The following COX20 variants were observed in gnomAD, a reference collection of about 807,000 sequenced individuals.
COX20 encodes the protein cytochrome c oxidase assembly protein COX20, mitochondrial.
Under a neutral mutation model 14.3 loss-of-function variants are expected in COX20, and 14 were observed. The ratio of observed to expected loss-of-function variants is 0.98; its 90% CI spans 0.65 to 1.53. COX20 has a LOEUF of 1.53. Among genes scored for constraint, COX20 ranks in the 40% most tolerant of loss-of-function variants. COX20 has a pLI of 0.00. For synonymous variants in COX20, 56 were observed against 51.7 expected (o/e 1.08, Z -0.36); for missense variants, 149 against 142.1 (o/e 1.05, Z -0.25).
chr1:244,843,694 CAA>C lies in COX20; in HGVS notation c.*521_*522del, dbSNP rs1186111058. 6.6e-6 allele frequency: 1 copy of C among 152,170 alleles called. No homozygotes were observed. Among genetic ancestry groups the C allele is most frequent in the Admixed American group, 6.6e-5 (1 of 15,250 alleles). 9.4% of individuals were successfully genotyped at this position (152,170 alleles called of 1,614,324 possible). On this transcript the variant is annotated 3_prime_UTR_variant, in exon 4 of 4. Transcript: ENST00000411948. ...ATTTCTTAAAATGCGAGTCATCTTC[CAA>C]AAGAGTTGTTTTTAACTGCCCTAAA...
chr1:244,841,393 T>G (rs1161764816), intron 1 of COX20: 1 of 152,548 alleles, frequency 6.6e-6, no homozygotes, highest in Non-Finnish European at 1.5e-5. Flanking sequence ...GAAAACAGAC[T>G]AGAGTTTAAT....
Position 244,842,393 on chromosome 1 carries a change from T to C in COX20, c.221+135T>C, listed in dbSNP as rs770834100. On this transcript the variant is annotated intron_variant, in intron 3 of 3. Transcript: ENST00000411948. ...TGAAGAATCTTGATTTTTCAGGACA[T>C]TTTCATGGAAATCTTAAAATGCTTG... is the stretch of plus-strand genomic sequence containing the variant. The C allele has an allele frequency of 5.0e-5, 35 of 700,428 alleles. No homozygotes were observed. The South Asian group carries it at 5.8e-4, about 12-fold the overall frequency. 43.4% of individuals were successfully genotyped at this position (700,428 alleles called of 1,614,324 possible).
chr1:244,839,009 C>A (rs933773675), intron 1 of COX20, among the ~76,000 whole-genome samples: 1 of 152,144 alleles, frequency 6.6e-6, no homozygotes, highest in Admixed American at 6.6e-5. Flanking sequence ...AGGCTGGTCT[C>A]GAACTTCCGA....
At chr1:244,841,716 T>C (rs1680205684) in intron 1 of COX20, 1 of 432,256 alleles carries the variant, frequency 2.3e-6, no homozygotes, top group Non-Finnish European at 4.1e-6. Context: ...GTTACCCTAC[T>C]GCTTAAGGGT....
chr1:244,842,257 T>C lies in COX20; in HGVS notation c.220T>C (p.Trp74Arg). The part of the protein sequence containing the change: ...GGFILVTLGC[W>R]FHCRYNYAKQ... ...GTTTATCTTGGTGACTTTGGGATGC[T>C]GGTATGTTTGCTAAGTATTCAAGAA... The change falls in exon 3 of 4, where the codon TGG (tryptophan) becomes CGG (arginine). Residue 74 changes from tryptophan (W) to arginine (R), a missense_variant and splice_region_variant. By Grantham distance (101) the Trp-to-Arg change is moderately radical. Coordinates refer to ENST00000411948, the MANE Select transcript of COX20 (RefSeq NM_198076.6). The C allele has an allele frequency of 6.3e-7, 1 of 1,595,258 alleles. No homozygotes were observed. Among genetic ancestry groups the C allele is most frequent in the Non-Finnish European group, 8.6e-7 (1 of 1,162,962 alleles).
Position 244,842,044 on chromosome 1 carries a change from ATT to A in COX20, c.148_149del (p.Leu50ValfsTer3). 6.2e-7 allele frequency: 1 copy of A among 1,605,648 alleles called. No individual in the cohort carries two copies. Among genetic ancestry groups the A allele is most frequent in the Non-Finnish European group, 8.5e-7 (1 of 1,172,898 alleles). ...GGATCTGTTGTGGCTGGCTTTGGACATTTTTTGTTCACTAGTGAGTATCTGTA... is the reference window on the plus strand; with the variant it reads ...GGATCTGTTGTGGCTGGCTTTGGACATTTTGTTCACTAGTGAGTATCTGTA... On this transcript the variant is annotated frameshift_variant, in exon 2 of 4. Coordinates refer to ENST00000411948, the MANE Select transcript of COX20 (RefSeq NM_198076.6). LOFTEE classifies it high-confidence loss of function.
At chr1:244,837,922 C>T (rs1373483312) in intron 1 of COX20, among the ~76,000 whole-genome samples, 1 of 152,000 alleles carries the variant, frequency 6.6e-6, no homozygotes, top group Non-Finnish European at 1.5e-5. Context: ...CTACAGAGGA[C>T]TTATTATAGT....
intron 3 of COX20, 76 bp downstream of exon 3, chr1:244,842,334 G>T: frequency 1.0e-6 from 1 of 1,004,648 alleles, no homozygotes. Flanking sequence ...GCTCTTTTCA[G>T]AGCAGTCTCC....
rs2102978930 is a variant in COX20 at position 244,844,881 on chromosome 1, A to T, written c.*1705A>T. On this transcript the variant is annotated 3_prime_UTR_variant, in exon 4 of 4. Coordinates refer to ENST00000411948, the MANE Select transcript of COX20 (RefSeq NM_198076.6). The stretch of plus-strand genomic sequence containing the variant: ...TAATCTGATATTTAACAAAATATGG[A>T]CAGGCCACTTATGCTCAGTTTTACC... 6.6e-6 allele frequency: 1 copy of T among 152,394 alleles called. No homozygotes were observed. Among genetic ancestry groups the T allele is most frequent in the Non-Finnish European group, 1.5e-5 (1 of 68,032 alleles). The allele number at this position is 152,394 out of a possible 1,614,324, so 9.4% of individuals were successfully genotyped here. A position where few individuals can be genotyped will look rare whatever the true frequency, so the allele number is the denominator to read the frequency against.
In COX20 at chr1:244,839,263, C is replaced by G. The variant is rs543897804; in HGVS notation, c.43-2681C>G. On this transcript the variant is annotated intron_variant, in intron 1 of 3. Transcript: ENST00000411948. ...CCTTTGCAACCAGAGGAAAGAAATA[C>G]GGGCACTGAAGCAGATTTAGTGGTG... 2.6e-5 allele frequency among the ~76,000 whole-genome samples: 4 copies of G among 152,134 alleles called. No homozygotes were observed. The East Asian group carries it at 5.9e-4, about 22-fold the overall frequency.
chr1:244,836,447 C>G, intron 1 of COX20: 1 of 1,544,240 alleles, frequency 6.5e-7, no homozygotes, highest in South Asian at 1.2e-5. Flanking sequence ...TCCTGTGTTT[C>G]ACCAAAGCTG....
intron 1 of COX20, chr1:244,836,471 C>T (rs199706643): frequency 2.9e-5 from 45 of 1,549,678 alleles, no homozygotes; most frequent in Non-Finnish European, 3.8e-5. Flanking sequence ...TACGTACTTT[C>T]CCCATCTTCC....
At chr1:244,841,777 C>CCA (rs1558178147) in intron 1 of COX20, 167 bp from the exon 2 acceptor site, 2 of 566,848 alleles carry the variant, frequency 3.5e-6, no homozygotes, top group African/African-American at 3.8e-5. Context: ...AGACTGCATA[C>CCA]CAAAGGTGGA....
Position 244,835,694 on chromosome 1 carries a change from T to TG in COX20, c.-19dup. 1 of 1,250,840 alleles carries TG rather than the reference T, an allele frequency of 8.0e-7. No individual in the cohort carries two copies. The highest frequency in any genetic ancestry group is 3.2e-5 in the South Asian group (1 of 31,138). The allele number at this position is 1,250,840 out of a possible 1,614,324, so 77.5% of individuals were successfully genotyped here. A position where few individuals can be genotyped will look rare whatever the true frequency, so the allele number is the denominator to read the frequency against. On this transcript the variant is annotated 5_prime_UTR_variant, in exon 1 of 4. Coordinates refer to ENST00000411948, the MANE Select transcript of COX20 (RefSeq NM_198076.6). ...CGCGACCCCGGCGGTGCAGGGCGGG[T>TG]GGAGTCGCGGAGTAGTCCTCATGGC...
rs974936410 is a variant in COX20, at chr1:244,844,746, C to CA, written c.*1571dup. The CA allele has an allele frequency of 2.7e-5, 4 of 149,460 alleles. No individual in the cohort carries two copies. Among genetic ancestry groups the CA allele is most frequent in the African/African-American group, 9.9e-5 (4 of 40,378 alleles). 9.3% of individuals were successfully genotyped at this position (149,460 alleles called of 1,614,324 possible). ...CGCCATTGCACTCTAGCCTAGGTGA[C>CA]AGAGTGAGACTCCATCTCAAAAAAA... On this transcript the variant is annotated 3_prime_UTR_variant, in exon 4 of 4. Transcript: ENST00000411948.
Position 244,843,429 on chromosome 1 carries a change from G to T in COX20, c.*253G>T, listed in dbSNP as rs1002437411. On this transcript the variant is annotated 3_prime_UTR_variant, in exon 4 of 4. Coordinates refer to ENST00000411948, the MANE Select transcript of COX20 (RefSeq NM_198076.6). The stretch of plus-strand genomic sequence containing the variant: ...CAGAATTTATTGGCAGTGTGGCAAA[G>T]AATTATAAAACATAGTGTTTAATGT... The T allele has an allele frequency of 1.4e-5, 6 of 421,684 alleles. No homozygotes were observed. The highest frequency in any genetic ancestry group is 2.5e-5 in the Non-Finnish European group (6 of 235,638). 26.1% of individuals were successfully genotyped at this position (421,684 alleles called of 1,614,324 possible). A position where few individuals can be genotyped will look rare whatever the true frequency, so the allele number is the denominator to read the frequency against.
Position 244,836,068 on chromosome 1 carries a change from A to G in COX20, c.42+312A>G, listed in dbSNP as rs146611042. ...TTGCTGCTAAGGGCACTGCACTGTAATTTGTTAGTAAAGGCTAATAGTAGA... is the reference window on the plus strand; with the variant it reads ...TTGCTGCTAAGGGCACTGCACTGTAGTTTGTTAGTAAAGGCTAATAGTAGA... On this transcript the variant is annotated intron_variant, in intron 1 of 3. Transcript: ENST00000411948. Among the ~76,000 whole-genome samples, 9 of 152,298 alleles carry G rather than the reference A, an allele frequency of 5.9e-5. No homozygotes were observed. The East Asian group carries it at 1.5e-3, about 26-fold the overall frequency.
upstream of COX20, chr1:244,835,594 C>A: frequency 1.5e-6 from 1 of 686,744 alleles, no homozygotes; most frequent in Non-Finnish European, 2.0e-6. Context: ...GCGGCCGGCG[C>A]GTCGGAACAG....
intron 1 of COX20, chr1:244,836,463 C>A: frequency 1.3e-6 from 2 of 1,549,040 alleles, no homozygotes; most frequent in South Asian, 2.4e-5. Context: ...AGCTGACTTA[C>A]GTACTTTCCC....
Sources: allele counts gnomAD v4.1 joint callset (sites outside exome capture counted in the v4.1 genomes callset), GRCh38; gene constraint gnomAD v4.1.1; transcripts MANE v1.5; gene names NCBI Gene and HGNC (gene_info 2026-07-23, HGNC 2026-07-21).